Variants in HEATR4 observed in about 807,000 individuals in gnomAD.
HEATR4 encodes the protein HEAT repeat-containing protein 4.
In HEATR4, 95 loss-of-function variants were observed where a neutral mutation model predicts 108.8. That is an observed-to-expected ratio of 0.87 (90% confidence interval 0.74 to 1.04). The LOEUF (loss-of-function observed/expected upper bound fraction) is 1.04. Among genes scored for constraint, HEATR4 ranks in the 50% least tolerant of loss-of-function variants. The pLI is 0.00. For missense variants in HEATR4, 1,152 were observed against 1,253.8 expected, an observed-to-expected ratio of 0.92 and a Z score of 1.23; for synonymous variants, 443 against 459.4, an observed-to-expected ratio of 0.96 and a Z score of 0.46.
At chr14:73,513,640 T>C (rs1887402745) in intron 6 of HEATR4, among the ~76,000 whole-genome samples, 1 of 141,532 alleles carries the variant, frequency 7.1e-6, no homozygotes, top group Non-Finnish European at 1.5e-5. Flanking sequence ...GGCAGGAGAA[T>C]TACTTGAAAC....
chr14:73,512,157 G>T lies in HEATR4; in HGVS notation c.1415-8C>A. On this transcript the variant is annotated splice_region_variant and splice_polypyrimidine_tract_variant and intron_variant, in intron 6 of 17. Coordinates refer to ENST00000553558, the MANE Select transcript of HEATR4 (RefSeq NM_001220484.1). ...CATGGTGCCACTCTATGACTGAGCC[G>T]CAGTGAGGGAAATGAAAAGAGAACC... is the stretch of plus-strand genomic sequence containing the variant. 6.2e-7 allele frequency: 1 copy of T among 1,613,892 alleles called. No homozygotes were observed. The highest frequency in any genetic ancestry group is 8.5e-7 in the Non-Finnish European group (1 of 1,179,848).
intron 2 of HEATR4, chr14:73,527,487 C>T (rs751542323): frequency 9.9e-5 from 15 of 151,680 alleles, no homozygotes; most frequent in Non-Finnish European, 2.2e-4. Context: ...AAAGGCTGCT[C>T]TGCCTATGGA....
chr14:73,608,448 T>G, the HEATR4 span, among the ~76,000 whole-genome samples: 1 of 152,176 alleles, frequency 6.6e-6, no homozygotes, highest in African/African-American at 2.4e-5. Context: ...GTTCCCCATC[T>G]CCATCTGAGA....
chr14:73,509,665 G>A (rs944039358), intron 7 of HEATR4, among the ~76,000 whole-genome samples, 192 bp from the exon 8 acceptor site: 3 of 151,200 alleles, frequency 2.0e-5, no homozygotes, highest in African/African-American at 7.3e-5. Flanking sequence ...AAGCTCACCT[G>A]TGTGCTGGTA....
At chr14:73,517,691 AAG>A (rs1038569512) in intron 5 of HEATR4, among the ~76,000 whole-genome samples, 1 of 150,540 alleles carries the variant, frequency 6.6e-6, no homozygotes, top group Non-Finnish European at 1.5e-5. Flanking sequence ...AGAAGAAGAA[AAG>A]AGAGAGAGGG....
chr14:73,543,170 G>A, intron 1 of HEATR4: 1 of 1,605,428 alleles, frequency 6.2e-7, no homozygotes, highest in Non-Finnish European at 8.5e-7. Context: ...TGTGGCCAAT[G>A]TTGGGGGAAC....
rs1003703772 is a variant in HEATR4, at chr14:73,492,668, C to T, written c.2844+398G>A. 5.0e-6 allele frequency: 8 copies of T among 1,613,862 alleles called. No individual in the cohort carries two copies. The highest frequency in any genetic ancestry group is 5.9e-6 in the Non-Finnish European group (7 of 1,179,898). ...GACAACAGAAACAGAAGTCCATATG[C>T]TTCAGGATGGGATAGCTCGGCTGGT... is the stretch of plus-strand genomic sequence containing the variant. On this transcript the variant is annotated intron_variant, in intron 17 of 17. Coordinates refer to ENST00000553558, the MANE Select transcript of HEATR4 (RefSeq NM_001220484.1). This position sits in a 1 kb window ranked among gnomAD's most constrained non-coding sequence, Gnocchi z 4.9.
the HEATR4 span, chr14:73,611,616 C>T: frequency 0.097 from 14,828 of 152,186 alleles, 1,044 homozygotes; most frequent in Non-Finnish European, 0.14. Context: ...CAAAACAAAA[C>T]TTTCACTGGG....
intron 17 of HEATR4, among the ~76,000 whole-genome samples, chr14:73,482,469 C>T (rs1392056718): frequency 6.6e-6 from 1 of 152,132 alleles, no homozygotes; most frequent in Non-Finnish European, 1.5e-5. Context: ...CTGCAATGGG[C>T]CGAGACTGCG....
chr14:73,559,311 G>T (rs1174447113), upstream of HEATR4, among the ~76,000 whole-genome samples: 2 of 151,604 alleles, frequency 1.3e-5, no homozygotes, highest in Non-Finnish European at 2.9e-5. Context: ...TAGAGATGGG[G>T]TTTCACCATG....
In HEATR4 at chr14:73,519,105, G is replaced by C. The variant is rs1398426976; in HGVS notation, c.1128C>G (p.Asn376Lys). Residue 376 changes from asparagine to lysine, a missense_variant, in exon 5 of 18, where the codon AAC becomes AAG. Asn to Lys is a moderately conservative substitution (Grantham distance 94). Transcript: ENST00000553558. ...GAKRDQIVLE[N>K]LNRYNKQLSK... ...ATAGCTGCTTGTTGTACCGATTTAG[G>C]TTTTCCAGGACAATCTGGTCTCTCT... 3 of 1,613,870 alleles carry C rather than the reference G, an allele frequency of 1.9e-6. No homozygotes were observed. Among genetic ancestry groups the C allele is most frequent in the African/African-American group, 2.7e-5 (2 of 74,924 alleles).
At chr14:73,624,436 AT>A in the HEATR4 span, among the ~76,000 whole-genome samples, 4 of 151,924 alleles carry the variant, frequency 2.6e-5, no homozygotes, top group South Asian at 6.3e-4. Flanking sequence ...GCCCAAAAAA[AT>A]TTTTTTAAAT....
At chr14:73,482,124 G>A (rs545601025) in intron 17 of HEATR4, among the ~76,000 whole-genome samples, 41 of 151,878 alleles carry the variant, frequency 2.7e-4, no homozygotes, top group African/African-American at 8.9e-4. Flanking sequence ...ACTGGCTCAC[G>A]CCTGTAATCC....
At position 73,545,118 on chromosome 14, in the gene HEATR4, G is replaced by T. The variant is rs1355726500; in HGVS notation, c.-152+13633C>A. On this transcript the variant is annotated intron_variant, in intron 1 of 17. Coordinates refer to ENST00000553558, the MANE Select transcript of HEATR4 (RefSeq NM_001220484.1). ...CTGTTGCCCAGGCTGGAGTGCAGTGGCACAGTCACGGCTCACTGCAGCCTC... is the reference window on the plus strand; with the variant it reads ...CTGTTGCCCAGGCTGGAGTGCAGTGTCACAGTCACGGCTCACTGCAGCCTC... Among the ~76,000 whole-genome samples the T allele has an allele frequency of 2.9e-5, 3 of 104,180 alleles. 1 individual carries two copies. Among genetic ancestry groups the T allele is most frequent in the East Asian group, 1.6e-3 (2 of 1,274 alleles). 68.3% of individuals were successfully genotyped at this position (104,180 alleles called of 152,430 possible).
chr14:73,559,799 C>T (rs1049733094), upstream of HEATR4, among the ~76,000 whole-genome samples: 4 of 152,048 alleles, frequency 2.6e-5, no homozygotes, highest in African/African-American at 7.2e-5. Flanking sequence ...TCTCCCACCA[C>T]AAGGGTTTAT....
At chr14:73,528,908 G>T (rs1888528072) in intron 2 of HEATR4, 1 of 152,108 alleles carries the variant, frequency 6.6e-6, no homozygotes, top group South Asian at 2.1e-4. Context: ...AAGGAAGAAA[G>T]GACTTATTAA....
chr14:73,563,043 C>T (rs1439438051), upstream of HEATR4, among the ~76,000 whole-genome samples: 1 of 151,868 alleles, frequency 6.6e-6, no homozygotes, highest in Non-Finnish European at 1.5e-5. Flanking sequence ...GATCTTTGTA[C>T]CCACTCCCTG....
At chr14:73,595,179 C>T in the HEATR4 span, 1 of 1,614,184 alleles carries the variant, frequency 6.2e-7, no homozygotes. Flanking sequence ...GGGAACACAG[C>T]CATCAACTAT....
chr14:73,481,909 G>T (rs1015923601), intron 17 of HEATR4, among the ~76,000 whole-genome samples: 2 of 151,692 alleles, frequency 1.3e-5, no homozygotes, highest in Non-Finnish European at 2.9e-5. Context: ...GAGGTGGGAG[G>T]ATCACTTGAG....
Sources: gnomAD v4.1 joint callset for allele counts (sites outside exome capture counted in the v4.1 genomes callset) on GRCh38, gnomAD v4.1.1 for gene constraint, Gnocchi (gnomAD v3.1) non-coding constraint, MANE v1.5 for transcripts, NCBI Gene and HGNC (gene_info 2026-07-23, HGNC 2026-07-21) for gene names.